KCNAB1: variants seen among roughly 807,000 people sequenced by gnomAD.
KCNAB1 encodes voltage-gated potassium channel subunit beta-1.
KCNAB1 carries 35 observed loss-of-function variants against 64.6 expected under a neutral mutation model. That is an observed-to-expected ratio of 0.54 (90% CI 0.41 to 0.72). The LOEUF (loss-of-function observed/expected upper bound fraction) is 0.72. Ranked by LOEUF, KCNAB1 falls within the 30% of genes least tolerant of loss-of-function variation. KCNAB1 has a pLI of 0.00. For missense variants in KCNAB1, 401 were observed against 512.9 expected (o/e 0.78, Z 2.11); for synonymous variants, 177 against 183.8 (o/e 0.96, Z 0.30).
chr3:156,457,333 G>C, intron 3 of KCNAB1, 120 bp from the exon 4 acceptor site: 1 of 1,521,202 alleles, frequency 6.6e-7, no homozygotes, highest in East Asian at 2.3e-5. Context: ...CTAAAACTAA[G>C]AAAAATAAGG....
intron 5 of KCNAB1, among the ~76,000 whole-genome samples, chr3:156,463,282 G>A (rs1201044353): frequency 6.6e-6 from 1 of 152,110 alleles, no homozygotes; most frequent in African/African-American, 2.4e-5. Context: ...CTGAATACGT[G>A]TTCATTGTTG....
chr3:156,289,671 T>G (rs1443665190), intron 1 of KCNAB1, among the ~76,000 whole-genome samples: 2 of 152,228 alleles, frequency 1.3e-5, no homozygotes, highest in Admixed American at 1.3e-4. Flanking sequence ...TGTTTATTTT[T>G]TAAAGTAAAG....
intron 1 of KCNAB1, among the ~76,000 whole-genome samples, chr3:156,357,389 C>T (rs1436543472): frequency 6.6e-6 from 1 of 152,104 alleles, no homozygotes; most frequent in Non-Finnish European, 1.5e-5. Flanking sequence ...TTTACGAGAC[C>T]CTCAAGAACT....
intron 1 of KCNAB1, among the ~76,000 whole-genome samples, chr3:156,349,750 AG>A (rs1724732678): frequency 6.6e-6 from 1 of 152,166 alleles, no homozygotes. Flanking sequence ...TTTTTTGTAA[AG>A]ATGGGATTTC....
chr3:156,495,379 G>T (rs543820974), intron 8 of KCNAB1, among the ~76,000 whole-genome samples: 2 of 152,244 alleles, frequency 1.3e-5, no homozygotes, highest in East Asian at 3.9e-4. Context: ...CCATTACTGG[G>T]TATGTATCCA....
chr3:156,168,051 A>G (rs1316890014), intron 1 of KCNAB1, among the ~76,000 whole-genome samples: 1 of 152,054 alleles, frequency 6.6e-6, no homozygotes, highest in Non-Finnish European at 1.5e-5. Flanking sequence ...AAAAATACCA[A>G]AATTAGCCAT....
chr3:156,153,254 A>G (rs1289994606), intron 1 of KCNAB1, among the ~76,000 whole-genome samples: 1 of 152,200 alleles, frequency 6.6e-6, no homozygotes, highest in African/African-American at 2.4e-5. Context: ...AAATCCAAGT[A>G]TCCTTATTTG....
In KCNAB1 at chr3:156,269,051, C is replaced by T. The variant is rs138224756; in HGVS notation, c.275+148165C>T. ...GATTTTTGTACACAGAGAAAAATAA[C>T]GGCCTAATTTTATTTTTCTGCATAT... On this transcript the variant is annotated intron_variant, in intron 1 of 13. Coordinates refer to ENST00000490337, the MANE Select transcript of KCNAB1 (RefSeq NM_172160.3). Among the ~76,000 whole-genome samples, 348 of 152,140 alleles carry T rather than the reference C, an allele frequency of 2.3e-3. 1 individual carries two copies. Among genetic ancestry groups the T allele is most frequent in the Middle Eastern group, 0.01 (3 of 294 alleles).
At position 156,125,817 on chromosome 3, in the gene KCNAB1, C is replaced by T. The variant is rs546925764; in HGVS notation, c.275+4931C>T. On this transcript the variant is annotated intron_variant, in intron 1 of 13. Transcript: ENST00000490337. ...GGTAGACTTGATTCCTGCCAACAGG[C>T]AGCAGGAGATCCAAGAGCTTAGAAG... Among the ~76,000 whole-genome samples the T allele has an allele frequency of 6.4e-4, 98 of 152,306 alleles. 2 individuals carry two copies. Among genetic ancestry groups the T allele is most frequent in the African/African-American group, 2.2e-3 (93 of 41,582 alleles).
chr3:156,132,086 T>G (rs934953632), intron 1 of KCNAB1, among the ~76,000 whole-genome samples: 1 of 152,248 alleles, frequency 6.6e-6, no homozygotes, highest in Non-Finnish European at 1.5e-5. Context: ...CCCAGGTCTG[T>G]TTCTGCCACA....
chr3:156,521,702 T>G (rs575354233), intron 11 of KCNAB1, among the ~76,000 whole-genome samples: 1 of 152,318 alleles, frequency 6.6e-6, no homozygotes, highest in South Asian at 2.1e-4. Flanking sequence ...ACTTGTTTGC[T>G]TCCATATTTA....
intron 1 of KCNAB1, among the ~76,000 whole-genome samples, chr3:156,126,564 T>C (rs4680233): frequency 6.6e-6 from 1 of 151,954 alleles, no homozygotes; most frequent in African/African-American, 2.4e-5. Context: ...AAGTGAAGTG[T>C]AGCTGGGCCT....
At chr3:156,120,391 C>T (rs1390524622), upstream of KCNAB1, among the ~76,000 whole-genome samples, 1 of 152,038 alleles carries the variant, frequency 6.6e-6, no homozygotes, top group East Asian at 1.9e-4. Flanking sequence ...TTTCCGTGTT[C>T]GAAGATACCA....
At chr3:156,320,575 C>T (rs1722587624) in intron 1 of KCNAB1, among the ~76,000 whole-genome samples, 1 of 152,128 alleles carries the variant, frequency 6.6e-6, no homozygotes, top group Admixed American at 6.5e-5. Flanking sequence ...CAGAGAAAAT[C>T]TAGAAAGTGG....
At chr3:156,383,503 T>C (rs989556203) in intron 1 of KCNAB1, among the ~76,000 whole-genome samples, 3 of 152,116 alleles carry the variant, frequency 2.0e-5, no homozygotes, top group African/African-American at 4.8e-5. Flanking sequence ...ATTATCCCAG[T>C]TTTGCACTGA....
intron 1 of KCNAB1, among the ~76,000 whole-genome samples, chr3:156,217,718 C>G (rs1715412768): frequency 6.6e-6 from 1 of 152,182 alleles, no homozygotes; most frequent in Non-Finnish European, 1.5e-5. Context: ...GCCTGTGCCT[C>G]CCTCCAGGGG....
intron 1 of KCNAB1, chr3:156,143,498 A>T: frequency 1.0e-6 from 1 of 990,428 alleles, no homozygotes; most frequent in Non-Finnish European, 1.4e-6. Context: ...TAAGGACTGA[A>T]ATAGCAAGAC....
In KCNAB1 at chr3:156,465,543, G is replaced by A. The variant is rs1165482985; in HGVS notation, c.528-100G>A. 5.8e-6 allele frequency: 6 copies of A among 1,033,010 alleles called. No individual in the cohort carries two copies. The Admixed American group carries it at 1.1e-4, about 19-fold the overall frequency. The allele number at this position is 1,033,010 out of a possible 1,614,324, so 64.0% of individuals were successfully genotyped here. On this transcript the variant is annotated intron_variant, in intron 6 of 13. Coordinates refer to ENST00000490337, the MANE Select transcript of KCNAB1 (RefSeq NM_172160.3). ...GCCTCCCTCCAGTGGTGTAGAATTT[G>A]ATAAGAACAGGGTGCAAAATTAGCA...
chr3:156,147,524 A>G (rs1019392432), intron 1 of KCNAB1, among the ~76,000 whole-genome samples: 1 of 152,218 alleles, frequency 6.6e-6, no homozygotes, highest in Non-Finnish European at 1.5e-5. Flanking sequence ...TCCAATAACA[A>G]AAACACAGAT....
Sources: allele counts gnomAD v4.1 joint callset (sites outside exome capture counted in the v4.1 genomes callset), GRCh38; gene constraint gnomAD v4.1.1; transcripts MANE v1.5; gene names NCBI Gene and HGNC (gene_info 2026-07-23, HGNC 2026-07-21).